The following RPS9 variants were observed in gnomAD, a reference collection of about 807,000 sequenced individuals.
RPS9 encodes the protein ribosomal protein S9.
A neutral mutation model predicts 16.9 loss-of-function variants in RPS9; 1 was observed. That is an observed-to-expected ratio of 0.06 (90% confidence interval 0.02 to 0.28). RPS9 has a LOEUF of 0.28. RPS9 is among the 10% of genes least tolerant of loss of function. The pLI is 1.00. For missense variants in RPS9, 137 were observed against 273.2 expected, an observed-to-expected ratio of 0.50 and a Z score of 3.51; for synonymous variants, 106 against 110.9, an observed-to-expected ratio of 0.96 and a Z score of 0.28.
At chr19:54,201,910 C>A in intron 3 of RPS9, 1 of 413,022 alleles carries the variant, frequency 2.4e-6, no homozygotes, top group Non-Finnish European at 4.3e-6. Context: ...TTTATGTGGC[C>A]TGTTTGCTAG....
In RPS9 at chr19:54,207,610, C is replaced by A. The variant is rs368895573; in HGVS notation, c.*35C>A. The A allele has an allele frequency of 6.5e-6, 10 of 1,531,010 alleles. No homozygotes were observed. Among genetic ancestry groups the A allele is most frequent in the Non-Finnish European group, 8.8e-6 (10 of 1,133,350 alleles). 94.8% of individuals were successfully genotyped at this position (1,531,010 alleles called of 1,614,324 possible). A position where few individuals can be genotyped will look rare whatever the true frequency, so the allele number is the denominator to read the frequency against. Reference sequence around the variant, plus strand: ...TCCCTCCTGGGCTGCTGGATTGTCTCGTTTTCCTGCCAAATAAACAGGATC... The same window carrying A: ...TCCCTCCTGGGCTGCTGGATTGTCTAGTTTTCCTGCCAAATAAACAGGATC... On this transcript the variant is annotated 3_prime_UTR_variant, in exon 5 of 5. Coordinates refer to ENST00000302907, the MANE Select transcript of RPS9 (RefSeq NM_001013.4).
At chr19:54,204,974 T>C (rs2077190751) in intron 3 of RPS9, among the ~76,000 whole-genome samples, 1 of 152,182 alleles carries the variant, frequency 6.6e-6, no homozygotes, top group African/African-American at 2.4e-5. Context: ...GGGAAAACTT[T>C]GGGTCCTCAC....
At chr19:54,207,074 G>T in intron 4 of RPS9, 1 of 460,286 alleles carries the variant, frequency 2.2e-6, no homozygotes, top group South Asian at 3.2e-5. Context: ...CTCAGTGTCA[G>T]GTGTGGGGTT....
intron 4 of RPS9, chr19:54,206,777 T>G (rs1212552298): frequency 7.1e-7 from 1 of 1,404,546 alleles, no homozygotes; most frequent in East Asian, 2.5e-5. Context: ...TCACCTCGCT[T>G]GGGTGGTGGG....
chr19:54,205,498 C>T (rs753612012), intron 3 of RPS9, among the ~76,000 whole-genome samples: 1 of 151,880 alleles, frequency 6.6e-6, no homozygotes, highest in Admixed American at 6.6e-5. Context: ...TTACTTTTCT[C>T]TCCTTAAAAG....
intron 3 of RPS9, among the ~76,000 whole-genome samples, chr19:54,203,835 AAATG>A (rs1316614270): frequency 6.9e-6 from 1 of 145,632 alleles, no homozygotes; most frequent in Non-Finnish European, 1.5e-5. Flanking sequence ...TTCAGATCAG[AAATG>A]AAGGCATTGT....
intron 4 of RPS9, chr19:54,207,114 C>A: frequency 2.1e-6 from 1 of 482,400 alleles, no homozygotes; most frequent in East Asian, 3.4e-5. Flanking sequence ...AACTTGGGGG[C>A]TCTCACATGG....
intron 4 of RPS9, chr19:54,207,000 G>A (rs570065440): frequency 9.3e-6 from 4 of 428,282 alleles, no homozygotes; most frequent in Admixed American, 4.1e-5. Flanking sequence ...CAATGCTTTC[G>A]TCGGAGACGT....
At chr19:54,202,515 G>A (rs777043404) in intron 3 of RPS9, 53 of 979,966 alleles carry the variant, frequency 5.4e-5, no homozygotes, top group Non-Finnish European at 6.1e-5. Context: ...GACTTTAGGA[G>A]GGCATGCAGA....
At chr19:54,203,121 A>G in intron 3 of RPS9, 1 of 975,822 alleles carries the variant, frequency 1.0e-6, no homozygotes, top group Non-Finnish European at 1.2e-6. Flanking sequence ...GGAGTGGGCT[A>G]TAGCTGGTTC....
intron 3 of RPS9, chr19:54,202,903 G>A (rs2077109345): frequency 1.3e-5 from 13 of 982,552 alleles, no homozygotes; most frequent in Non-Finnish European, 1.5e-5. Flanking sequence ...TTGCAGTGTT[G>A]ACCAGGATGG....
intron 3 of RPS9, 113 bp downstream of exon 3, chr19:54,201,722 C>G: frequency 4.7e-6 from 7 of 1,504,142 alleles, no homozygotes; most frequent in Non-Finnish European, 6.2e-6. Flanking sequence ...TAAATGGAAC[C>G]AGCCTTCTAA....
intron 4 of RPS9, 98 bp from the exon 5 acceptor site, chr19:54,207,300 G>A (rs1234581469): frequency 9.7e-7 from 1 of 1,036,032 alleles, no homozygotes; most frequent in Non-Finnish European, 1.4e-6. Flanking sequence ...TGCAGCCGTG[G>A]CGGCCTCACG....
At chr19:54,201,131 C>T (rs1419364779) in intron 1 of RPS9, 29 bp from the exon 2 acceptor site, 9 of 1,611,596 alleles carry the variant, frequency 5.6e-6, no homozygotes, top group Admixed American at 5.0e-5. Context: ...CGTTTGGATC[C>T]CTTACGCTCA....
chr19:54,200,966 G>A (rs1246886421), intron 1 of RPS9, 78 bp downstream of exon 1: 2 of 1,415,940 alleles, frequency 1.4e-6, no homozygotes, highest in African/African-American at 2.9e-5. Context: ...CCATGAGTAA[G>A]CTAAAGACGT....
At chr19:54,203,171 C>G in intron 3 of RPS9, 1 of 924,906 alleles carries the variant, frequency 1.1e-6, no homozygotes, top group Non-Finnish European at 1.3e-6. Flanking sequence ...ATCCTAATTG[C>G]AATGAAACTT....
At chr19:54,207,137 C>G in intron 4 of RPS9, 1 of 512,966 alleles carries the variant, frequency 1.9e-6, no homozygotes, top group Non-Finnish European at 3.4e-6. Flanking sequence ...ATCTCATTTG[C>G]TTTGTGGTCT....
intron 3 of RPS9, among the ~76,000 whole-genome samples, chr19:54,204,709 G>A (rs1225283707): frequency 6.6e-6 from 1 of 152,214 alleles, no homozygotes; most frequent in Non-Finnish European, 1.5e-5. Flanking sequence ...ATAAGGGACT[G>A]TGCGTGGCTT....
Position 54,200,977 on chromosome 19 carries a change from T to C in RPS9, c.-26+89T>C, listed in dbSNP as rs1199772302. 6 of 1,428,262 alleles carry C rather than the reference T, an allele frequency of 4.2e-6. No homozygotes were observed. In the South Asian group the frequency reaches 7.5e-5, roughly 18 times the overall value. 88.5% of individuals were successfully genotyped at this position (1,428,262 alleles called of 1,614,324 possible). ...GTTTCCATGAGTAAGCTAAAGACGT[T>C]AGGAAACAGAGCAGGGTGGTTGAAC... is the stretch of plus-strand genomic sequence containing the variant. On this transcript the variant is annotated intron_variant, in intron 1 of 4. Coordinates refer to ENST00000302907, the MANE Select transcript of RPS9 (RefSeq NM_001013.4).
Sources: gnomAD v4.1 joint callset for allele counts (sites outside exome capture counted in the v4.1 genomes callset) on GRCh38, gnomAD v4.1.1 for gene constraint, MANE v1.5 for transcripts, NCBI Gene and HGNC (gene_info 2026-07-23, HGNC 2026-07-21) for gene names.